AKAP13: variants seen among roughly 807,000 people sequenced by gnomAD.
AKAP13 encodes A-kinase anchoring protein 13, also known as A-kinase anchor protein 13.
A neutral mutation model predicts 264.5 loss-of-function variants in AKAP13; 80 were observed. The ratio of observed to expected loss-of-function variants is 0.30; its 90% CI spans 0.25 to 0.36. The LOEUF is 0.36. Ranked by LOEUF, AKAP13 falls within the 10% of genes least tolerant of loss-of-function variation. The pLI is 1.00. For synonymous variants in AKAP13, 1,380 were observed against 1,250.2 expected (o/e 1.10, Z -2.19); for missense variants, 3,712 against 3,435.2 (o/e 1.08, Z -2.01).
chr15:85,670,780 G>A (rs1486925031), intron 14 of AKAP13: 1 of 151,996 alleles, frequency 6.6e-6, no homozygotes, highest in African/African-American at 2.4e-5. Flanking sequence ...AGGGCCAGTA[G>A]GATTGCATCT....
chr15:85,577,836 G>A, intron 6 of AKAP13: 1 of 985,256 alleles, frequency 1.0e-6, no homozygotes, highest in Non-Finnish European at 1.2e-6. Context: ...TAGATTGGTT[G>A]GAACATATTT....
chr15:85,601,923 G>A (rs919861452), intron 8 of AKAP13, among the ~76,000 whole-genome samples: 1 of 151,668 alleles, frequency 6.6e-6, no homozygotes, highest in Non-Finnish European at 1.5e-5. Context: ...AAAAAATTTA[G>A]AGGAGTGGTA....
intron 9 of AKAP13, among the ~76,000 whole-genome samples, chr15:85,642,629 T>C (rs1439156657): frequency 6.6e-6 from 1 of 152,230 alleles, no homozygotes; most frequent in Non-Finnish European, 1.5e-5. Context: ...CTTTTCCCTC[T>C]TTCCCTCCTC....
rs141484586 is a variant in AKAP13, at chr15:85,426,972, T to TG, written c.-12+46178dup. Among the ~76,000 whole-genome samples, 309 of 149,326 alleles carry TG rather than the reference T, an allele frequency of 2.1e-3. 4 individuals carry two copies. The East Asian group carries it at 0.023, about 11-fold the overall frequency. On this transcript the variant is annotated intron_variant, in intron 1 of 36. Coordinates refer to ENST00000394518, the MANE Select transcript of AKAP13 (RefSeq NM_007200.5). ...TTTGTTTTGTTTTTTTTTTTTTTTT[T>TG]GGGGACGGAGTCTCACACTGTCACC...
chr15:85,682,039 T>G, intron 14 of AKAP13, 119 bp from the exon 15 acceptor site: 1 of 858,150 alleles, frequency 1.2e-6, no homozygotes, highest in East Asian at 2.6e-5. Flanking sequence ...GGAGGTACCA[T>G]GTGCTGACTT....
intron 1 of AKAP13, among the ~76,000 whole-genome samples, chr15:85,399,063 A>G (rs1191589583): frequency 6.6e-6 from 1 of 152,210 alleles, no homozygotes; most frequent in Non-Finnish European, 1.5e-5. Flanking sequence ...TGTTAGGGCA[A>G]ATGGTGTACA....
intron 1 of AKAP13, among the ~76,000 whole-genome samples, chr15:85,390,520 A>G (rs1376034048): frequency 6.6e-6 from 1 of 152,346 alleles, no homozygotes; most frequent in East Asian, 1.9e-4. Context: ...GACCAGATCA[A>G]ATAGGCTCTT....
At position 85,581,282 on chromosome 15, in the gene AKAP13, A is replaced by C. The variant is rs2151307344; in HGVS notation, c.3214A>C (p.Thr1072Pro). Reference protein sequence around the residue: ...PSPLDVGVKNTQSQGKTSACE... With the variant: ...PSPLDVGVKNPQSQGKTSACE... ...TCCTCTGGATGTTGGAGTGAAGAACACTCAATCCCAGGGAAAAACTAGTGC... is the reference window on the plus strand; with the variant it reads ...TCCTCTGGATGTTGGAGTGAAGAACCCTCAATCCCAGGGAAAAACTAGTGC... The change falls in exon 7 of 37, where the codon ACT becomes CCT. Residue 1072 changes from threonine to proline, a missense_variant. Around this residue, in one of 3 missense-constraint regions of AKAP13, gnomAD observed 2,759 missense variants for 2,411.7 expected, o/e 1.14. Transcript: ENST00000394518. The C allele has an allele frequency of 6.2e-7, 1 of 1,614,186 alleles. No homozygotes were observed. The highest frequency in any genetic ancestry group is 1.1e-5 in the South Asian group (1 of 91,088).
intron 33 of AKAP13, among the ~76,000 whole-genome samples, chr15:85,736,934 T>TTTC (rs2088570425): frequency 1.4e-5 from 2 of 138,814 alleles, no homozygotes; most frequent in South Asian, 2.3e-4. Context: ...TTTTTTTTTT[T>TTTC]CTGGGGATGG....
chr15:85,500,816 T>A (rs2076019173), intron 2 of AKAP13, among the ~76,000 whole-genome samples: 1 of 152,208 alleles, frequency 6.6e-6, no homozygotes. Flanking sequence ...AGGAAAGAGC[T>A]ATTGGCTCTG....
chr15:85,611,017 T>G (rs1039630463), intron 8 of AKAP13, among the ~76,000 whole-genome samples: 2 of 147,856 alleles, frequency 1.4e-5, no homozygotes, highest in Non-Finnish European at 3.0e-5. Context: ...AGTTTTCCCC[T>G]GTGAAATAGT....
intron 5 of AKAP13, among the ~76,000 whole-genome samples, chr15:85,570,670 T>A (rs1302224685): frequency 6.6e-6 from 1 of 152,262 alleles, no homozygotes; most frequent in East Asian, 1.9e-4. Context: ...CTTTGTAGGA[T>A]CCCCTCCTAC....
At chr15:85,397,482 T>C (rs2071175064) in intron 1 of AKAP13, among the ~76,000 whole-genome samples, 1 of 152,158 alleles carries the variant, frequency 6.6e-6, no homozygotes. Context: ...AAATACTAAT[T>C]CAGAAGAAAA....
At chr15:85,586,285 G>A (rs1242050143) in intron 8 of AKAP13, among the ~76,000 whole-genome samples, 3 of 151,706 alleles carry the variant, frequency 2.0e-5, no homozygotes, top group African/African-American at 7.3e-5. Flanking sequence ...CTGCTTCCTG[G>A]GTGAAAGCGA....
Position 85,719,060 on chromosome 15 carries a change from T to G in AKAP13, c.6002-16T>G. 6.2e-7 allele frequency: 1 copy of G among 1,612,582 alleles called. No individual in the cohort carries two copies. Among genetic ancestry groups the G allele is most frequent in the Non-Finnish European group, 8.5e-7 (1 of 1,179,332 alleles). ...AAAAGAGTGTTCCTGACACTTGATCTTTTTCCTCCTTTTAGAGTTGATGCA... is the reference window on the plus strand; with the variant it reads ...AAAAGAGTGTTCCTGACACTTGATCGTTTTCCTCCTTTTAGAGTTGATGCA... On this transcript the variant is annotated splice_polypyrimidine_tract_variant and intron_variant, in intron 22 of 36. Coordinates refer to ENST00000394518, the MANE Select transcript of AKAP13 (RefSeq NM_007200.5).
chr15:85,447,064 T>G (rs1290480058), intron 1 of AKAP13, among the ~76,000 whole-genome samples: 9 of 152,090 alleles, frequency 5.9e-5, no homozygotes, highest in Non-Finnish European at 1.3e-4. Context: ...GTCAAGAGAT[T>G]GAGACCATCC....
intron 1 of AKAP13, among the ~76,000 whole-genome samples, chr15:85,479,375 C>A (rs1200828078): frequency 2.0e-5 from 3 of 152,184 alleles, no homozygotes; most frequent in Non-Finnish European, 4.4e-5. Flanking sequence ...TCCATGTTAA[C>A]CCTCACTCGA....
At chr15:85,707,896 C>T in intron 17 of AKAP13, 123 bp from the exon 18 acceptor site, 1 of 880,918 alleles carries the variant, frequency 1.1e-6, no homozygotes, top group Non-Finnish European at 1.8e-6. Context: ...TAATTTCAGT[C>T]ACATTCTCAC....
chr15:85,441,492 A>T (rs1246733596), intron 1 of AKAP13, among the ~76,000 whole-genome samples: 1 of 152,004 alleles, frequency 6.6e-6, no homozygotes, highest in African/African-American at 2.4e-5. Flanking sequence ...TGAAGAGGAA[A>T]AGTTTTTAAT....
Sources: allele counts gnomAD v4.1 joint callset (sites outside exome capture counted in the v4.1 genomes callset), GRCh38; gene constraint gnomAD v4.1.1; regional missense constraint gnomAD v4.1.1; transcripts MANE v1.5; gene names NCBI Gene and HGNC (gene_info 2026-07-23, HGNC 2026-07-21).